The following LRRC4C variants were observed in gnomAD, a reference collection of about 807,000 sequenced individuals.
The protein encoded by LRRC4C is leucine-rich repeat-containing protein 4C.
Under a neutral mutation model 33.6 loss-of-function variants are expected in LRRC4C, and 5 were observed. That is an observed-to-expected ratio of 0.15 (90% CI 0.08 to 0.31). The LOEUF is 0.31. Ranked by LOEUF, LRRC4C falls within the 10% of genes least tolerant of loss-of-function variation. The pLI, the probability that LRRC4C is intolerant of heterozygous loss-of-function variation, is 1.00. For synonymous variants in LRRC4C, 329 were observed against 302.0 expected (o/e 1.09, Z -0.93); for missense variants, 560 against 796.7 (o/e 0.70, Z 3.58).
At chr11:41,216,883 T>C (rs1947086543) in intron 1 of LRRC4C, among the ~76,000 whole-genome samples, 1 of 152,230 alleles carries the variant, frequency 6.6e-6, no homozygotes, top group Non-Finnish European at 1.5e-5. Flanking sequence ...TACCTATCTA[T>C]GTTTTTAATT....
At chr11:40,649,401 C>A (rs1232542850) in intron 2 of LRRC4C, among the ~76,000 whole-genome samples, 1 of 152,138 alleles carries the variant, frequency 6.6e-6, no homozygotes, top group Admixed American at 6.5e-5. Flanking sequence ...ACTTGCACAT[C>A]CATGTATAGG....
intron 2 of LRRC4C, among the ~76,000 whole-genome samples, chr11:40,705,627 T>G (rs1946126942): frequency 6.6e-6 from 1 of 152,006 alleles, no homozygotes; most frequent in Non-Finnish European, 1.5e-5. Context: ...ATGGGTTGGT[T>G]CCAAGTCTTT....
At position 40,439,558 on chromosome 11, in the gene LRRC4C, ATTC is replaced by A. The variant is rs570557634; in HGVS notation, c.-269-119840_-269-119838del. On this transcript the variant is annotated intron_variant, in intron 3 of 6. Transcript: ENST00000528697. Reference sequence around the variant, plus strand: ...AACCCCCACCTCCCAGGCTCAAGCAATTCTTCTGCCTCAGCCTCCCAAGTAGCT... The same window carrying A: ...AACCCCCACCTCCCAGGCTCAAGCAATTCTGCCTCAGCCTCCCAAGTAGCT... Among the ~76,000 whole-genome samples the A allele has an allele frequency of 3.2e-4, 49 of 151,774 alleles. 2 individuals are homozygous for A. The highest frequency in any genetic ancestry group is 1.1e-3 in the African/African-American group (45 of 41,400).
intron 1 of LRRC4C, among the ~76,000 whole-genome samples, chr11:40,976,571 A>G (rs551953653): frequency 6.6e-6 from 1 of 152,330 alleles, no homozygotes; most frequent in South Asian, 2.1e-4. Flanking sequence ...TAACCAAACT[A>G]GTGAGACCAA....
At chr11:40,575,400 A>G (rs1958151673) in intron 3 of LRRC4C, among the ~76,000 whole-genome samples, 1 of 152,096 alleles carries the variant, frequency 6.6e-6, no homozygotes, top group South Asian at 2.1e-4. Context: ...TGAAAAAAAA[A>G]AAGCTTTCCT....
At chr11:40,498,251 G>A (rs930807846) in intron 3 of LRRC4C, among the ~76,000 whole-genome samples, 2 of 152,160 alleles carry the variant, frequency 1.3e-5, no homozygotes, top group South Asian at 4.1e-4. Context: ...AACATCCCTA[G>A]ACCACACTCC....
intron 3 of LRRC4C, among the ~76,000 whole-genome samples, chr11:40,387,111 T>A (rs1459070156): frequency 6.6e-6 from 1 of 152,218 alleles, no homozygotes; most frequent in Non-Finnish European, 1.5e-5. Flanking sequence ...AATTGAGAGT[T>A]GGAGAAATTA....
rs1027722390 is a variant in LRRC4C, at chr11:41,259,819, G to T, written c.-496+199612C>A. 3.3e-5 allele frequency among the ~76,000 whole-genome samples: 5 copies of T among 151,000 alleles called. No homozygotes were observed. In the South Asian group the frequency reaches 6.3e-4, roughly 19 times the overall value. On this transcript the variant is annotated intron_variant, in intron 1 of 6. Transcript: ENST00000528697. The stretch of plus-strand genomic sequence containing the variant: ...GTGTAGTAAGATAATTTCTTTGGTG[G>T]TTTTTTTTTAAAAATCAAATAAGAT...
At chr11:40,399,872 G>T (rs1166042388) in intron 3 of LRRC4C, among the ~76,000 whole-genome samples, 1 of 152,012 alleles carries the variant, frequency 6.6e-6, no homozygotes, top group East Asian at 1.9e-4. Context: ...AAGAGTAAAA[G>T]AAAACGCTCC....
intron 1 of LRRC4C, among the ~76,000 whole-genome samples, chr11:41,420,346 G>A (rs1954832583): frequency 1.3e-5 from 2 of 151,908 alleles, no homozygotes; most frequent in Non-Finnish European, 2.9e-5. Flanking sequence ...CCACTATATT[G>A]TAAGTTGTGT....
At position 40,190,907 on chromosome 11, in the gene LRRC4C, G is replaced by A. The variant is rs547753139; in HGVS notation, c.-95-50054C>T. On this transcript the variant is annotated intron_variant, in intron 5 of 6. Transcript: ENST00000528697. ...CACCTCCCACCTTCAATTTCCCTGA[G>A]GGGAAAGCTTACAGCAAAGGGAGCT... is the stretch of plus-strand genomic sequence containing the variant. 3.1e-4 allele frequency among the ~76,000 whole-genome samples: 47 copies of A among 152,270 alleles called. 1 individual carries two copies. The South Asian group carries it at 9.7e-3, about 32-fold the overall frequency.
intron 1 of LRRC4C, among the ~76,000 whole-genome samples, chr11:41,279,849 C>A (rs548981001): frequency 1.5e-4 from 22 of 151,630 alleles, no homozygotes; most frequent in African/African-American, 5.3e-4. Context: ...ATGTGGCTGG[C>A]CACATTTATT....
intron 1 of LRRC4C, among the ~76,000 whole-genome samples, chr11:40,948,425 G>T (rs1183565265): frequency 6.6e-6 from 1 of 151,198 alleles, no homozygotes; most frequent in Admixed American, 6.6e-5. Context: ...GTGCAGGTTA[G>T]TTACATATGT....
In LRRC4C at chr11:40,722,842, A is replaced by T. The variant is rs1189102702; in HGVS notation, c.-406-74564T>A. Among the ~76,000 whole-genome samples, 3 of 152,190 alleles carry T rather than the reference A, an allele frequency of 2.0e-5. No homozygotes were observed. The East Asian group carries it at 5.8e-4, about 29-fold the overall frequency. The stretch of plus-strand genomic sequence containing the variant: ...AAGATCCAAAGAAAGTTGTCATTCA[A>T]TTTAGGGAAGCCAGAAAAATAATCC... On this transcript the variant is annotated intron_variant, in intron 2 of 6. Coordinates refer to ENST00000528697, the MANE Select transcript of LRRC4C (RefSeq NM_001258419.2).
chr11:41,269,259 A>G (rs1371955017), intron 1 of LRRC4C, among the ~76,000 whole-genome samples: 1 of 121,426 alleles, frequency 8.2e-6, no homozygotes, highest in African/African-American at 3.2e-5. Context: ...GTGTCAAAGA[A>G]GCAAATTGGG....
intron 4 of LRRC4C, among the ~76,000 whole-genome samples, chr11:40,280,368 G>A (rs1019263877): frequency 5.9e-5 from 9 of 152,200 alleles, no homozygotes; most frequent in African/African-American, 1.9e-4. Flanking sequence ...GGATATGAAA[G>A]GCTCTAATGA....
chr11:40,786,606 T>G (rs1167835483), intron 2 of LRRC4C, among the ~76,000 whole-genome samples: 1 of 152,210 alleles, frequency 6.6e-6, no homozygotes, highest in Non-Finnish European at 1.5e-5. Context: ...ACAGTAGGAT[T>G]CTTTCCTGAA....
intron 1 of LRRC4C, among the ~76,000 whole-genome samples, chr11:41,205,850 T>C (rs1046538723): frequency 3.3e-5 from 5 of 152,108 alleles, no homozygotes; most frequent in African/African-American, 1.2e-4. Flanking sequence ...CTTAGAGAAA[T>C]TAAACTATTT....
intron 3 of LRRC4C, among the ~76,000 whole-genome samples, chr11:40,605,523 T>G (rs1960488317): frequency 6.6e-6 from 1 of 152,086 alleles, no homozygotes; most frequent in African/African-American, 2.4e-5. Context: ...CTAGGAAAAT[T>G]TATTGCACTT....
Sources: gnomAD v4.1 joint callset for allele counts (sites outside exome capture counted in the v4.1 genomes callset) on GRCh38, gnomAD v4.1.1 for gene constraint, MANE v1.5 for transcripts, NCBI Gene and HGNC (gene_info 2026-07-23, HGNC 2026-07-21) for gene names.